The following SIGLEC11 variants were observed in gnomAD, a reference collection of about 807,000 sequenced individuals.
SIGLEC11 encodes sialic acid binding Ig like lectin 11.
In SIGLEC11, 47 loss-of-function variants were observed where a neutral mutation model predicts 61.2. The ratio of observed to expected loss-of-function variants is 0.77; its 90% confidence interval spans 0.61 to 0.98. The LOEUF is 0.98. SIGLEC11 is among the 50% of genes least tolerant of loss of function. The pLI, the probability that SIGLEC11 is intolerant of heterozygous loss-of-function variation, is 0.00. For missense variants in SIGLEC11, 610 were observed against 870.3 expected (o/e 0.70, Z 3.76); for synonymous variants, 278 against 373.1 (o/e 0.75, Z 2.94).
At chr19:49,956,097 G>A (rs1426042939) in intron 8 of SIGLEC11, among the ~76,000 whole-genome samples, 1 of 152,158 alleles carries the variant, frequency 6.6e-6, no homozygotes, top group Non-Finnish European at 1.5e-5. Context: ...TTTGCGGAGG[G>A]ACTAACACGG....
rs1274411408 is a variant in SIGLEC11, at chr19:49,955,453, GA to G, written c.1651+2829del. ...GCCCAAAAAAGTAAGTGTGAAAAAG[GA>G]AAAAAGAAAAATCAGAAAGAAACAG... On this transcript the variant is annotated intron_variant, in intron 8 of 10. Transcript: ENST00000447370. The surrounding 1 kb of genome is among the most constrained non-coding windows in gnomAD (Gnocchi z 4.5). Among the ~76,000 whole-genome samples, 4 of 152,122 alleles carry G rather than the reference GA, an allele frequency of 2.6e-5. No homozygotes were observed. Among genetic ancestry groups the G allele is most frequent in the African/African-American group, 9.6e-5 (4 of 41,454 alleles).
chr19:49,949,471 T>A lies in SIGLEC11; in HGVS notation c.*499A>T, dbSNP rs2076143759. ...TGCCTGGTTTCCTGTGCTTTACACA[T>A]CCAGAGAAGCTTCTGTAGTAATGAA... On this transcript the variant is annotated 3_prime_UTR_variant, in exon 11 of 11. Transcript: ENST00000447370. 6.6e-6 allele frequency: 1 copy of A among 151,986 alleles called. No homozygotes were observed. Among genetic ancestry groups the A allele is most frequent in the South Asian group, 2.1e-4 (1 of 4,820 alleles). 9.4% of individuals were successfully genotyped at this position (151,986 alleles called of 1,614,324 possible). A position where few individuals can be genotyped will look rare whatever the true frequency, so the allele number is the denominator to read the frequency against.
rs944346796 is a variant in SIGLEC11, at chr19:49,955,625, G to A, written c.1651+2658C>T. ...AAAAAAAAAGGCCAATCTGTTGGCA[G>A]CAGCCCTCATAAAAAGAAAAATTAG... On this transcript the variant is annotated intron_variant, in intron 8 of 10. Coordinates refer to ENST00000447370, the MANE Select transcript of SIGLEC11 (RefSeq NM_052884.3). This position sits in a 1 kb window ranked among gnomAD's most constrained non-coding sequence, Gnocchi z 4.5. 1.3e-5 allele frequency among the ~76,000 whole-genome samples: 2 copies of A among 152,156 alleles called. No individual in the cohort carries two copies. Among genetic ancestry groups the A allele is most frequent in the Non-Finnish European group, 2.9e-5 (2 of 68,044 alleles).
intron 8 of SIGLEC11, among the ~76,000 whole-genome samples, chr19:49,954,595 G>T (rs931676327): frequency 6.6e-6 from 1 of 152,118 alleles, no homozygotes; most frequent in Non-Finnish European, 1.5e-5. Context: ...CTGATCTACT[G>T]AACTGGAAAC....
chr19:49,952,421 T>TGCCCTCCTGGCCCTGAG, intron 8 of SIGLEC11, 27 bp from the exon 9 acceptor site: 1 of 1,581,984 alleles, frequency 6.3e-7, no homozygotes, highest in Non-Finnish European at 8.6e-7. Context: ...TTTGGGGTGG[T>TGCCCTCCTGGCCCTGAG]GCCCTCCTGG....
rs2076144600 is a variant in SIGLEC11, at chr19:49,949,602, G to T, written c.*368C>A. ...CACGTCTGTAATCCCAGCACTTTGGGAGGCAGAGGCGGGCAGATTGCTTGA... is the reference window on the plus strand; with the variant it reads ...CACGTCTGTAATCCCAGCACTTTGGTAGGCAGAGGCGGGCAGATTGCTTGA... On this transcript the variant is annotated 3_prime_UTR_variant, in exon 11 of 11. Coordinates refer to ENST00000447370, the MANE Select transcript of SIGLEC11 (RefSeq NM_052884.3). 6.3e-6 allele frequency: 1 copy of T among 159,544 alleles called. No individual in the cohort carries two copies. Among genetic ancestry groups the T allele is most frequent in the Non-Finnish European group, 1.4e-5 (1 of 73,214 alleles). 9.9% of individuals were successfully genotyped at this position (159,544 alleles called of 1,614,324 possible).
At chr19:49,956,103 C>T (rs1035471749) in intron 8 of SIGLEC11, among the ~76,000 whole-genome samples, 1 of 152,158 alleles carries the variant, frequency 6.6e-6, no homozygotes, top group Non-Finnish European at 1.5e-5. Flanking sequence ...GAGGGACTAA[C>T]ACGGAAGACC....
At chr19:49,952,165 T>C in intron 9 of SIGLEC11, 133 bp downstream of exon 9, 1 of 1,081,238 alleles carries the variant, frequency 9.2e-7, no homozygotes, top group Non-Finnish European at 1.3e-6. Flanking sequence ...AGCAGACCCC[T>C]GCTCTGATCC....
chr19:49,958,800 G>A lies in SIGLEC11; in HGVS notation c.1206C>T (p.Ser402=), dbSNP rs1245055106. The change falls in exon 7 of 11, where the codon AGC becomes AGT. Residue 402 remains serine (S), a synonymous_variant. Transcript: ENST00000447370. Reference sequence around the variant, plus strand: ...CCACGGTCTGTCCCCACCGGGTCCAGCTCAGCCTGGCTGGGGGGCTGCTGT... The same window carrying A: ...CCACGGTCTGTCCCCACCGGGTCCAACTCAGCCTGGCTGGGGGGCTGCTGT... ...VTHSSPPARL[S]WTRWGQTVGP... 6.2e-7 allele frequency: 1 copy of A among 1,613,138 alleles called. No homozygotes were observed. Among genetic ancestry groups the A allele is most frequent in the African/African-American group, 1.3e-5 (1 of 74,940 alleles).
chr19:49,959,437 C>A lies in SIGLEC11; in HGVS notation c.980G>T (p.Gly327Val). 1 of 1,595,278 alleles carries A rather than the reference C, an allele frequency of 6.3e-7. No individual in the cohort carries two copies. The highest frequency in any genetic ancestry group is 2.3e-5 in the East Asian group (1 of 44,084). The stretch of plus-strand genomic sequence containing the variant: ...TCGGCAGGTGTAGCGCCCTGAATCC[C>A]CGGCCCTTACCCCACGCAGCTCCAG... Reference protein sequence around the residue: ...LGLELRGVRAGDSGRYTCRAE... With the variant: ...LGLELRGVRAVDSGRYTCRAE... The change falls in exon 5 of 11, where the codon GGG (glycine) becomes GTG (valine). Residue 327 changes from glycine to valine, a missense_variant. Gly to Val is a moderately radical substitution (Grantham distance 109). Transcript: ENST00000447370.
In SIGLEC11 at chr19:49,959,118, G is replaced by A. The variant is rs566870534; in HGVS notation, c.1058-41C>T. 5.5e-4 allele frequency: 885 copies of A among 1,611,186 alleles called. 1 individual carries two copies. Among genetic ancestry groups the A allele is most frequent in the Non-Finnish European group, 6.9e-4 (818 of 1,178,592 alleles). On this transcript the variant is annotated intron_variant, in intron 5 of 10. Coordinates refer to ENST00000447370, the MANE Select transcript of SIGLEC11 (RefSeq NM_052884.3). ...GGGACCGGCTCTAGACAGACCAGGG[G>A]CTTCCCTCTGGGTAAAGGGAACTAT...
Position 49,951,943 on chromosome 19 carries a change from T to C in SIGLEC11, c.1778A>G (p.Lys593Arg), listed in dbSNP as rs2076160836. ...RVKICRKEAR[K>R]RAAAEQDVPS... ...CACGTCCTGCTCAGCTGCTGCCCTC[T>C]TGCGAGCTTCCTTCCTGCAGATCTT... Residue 593 changes from lysine to arginine, a missense_variant, in exon 10 of 11, where the codon AAG (lysine) becomes AGG (arginine). Coordinates refer to ENST00000447370, the MANE Select transcript of SIGLEC11 (RefSeq NM_052884.3). This position sits in a 1 kb window ranked among gnomAD's most constrained non-coding sequence, Gnocchi z 4.6. 1.2e-6 allele frequency: 2 copies of C among 1,611,226 alleles called. No individual in the cohort carries two copies. The highest frequency in any genetic ancestry group is 1.7e-6 in the Non-Finnish European group (2 of 1,179,066).
At chr19:49,950,784 A>G (rs368268336) in intron 10 of SIGLEC11, among the ~76,000 whole-genome samples, 5 of 152,172 alleles carry the variant, frequency 3.3e-5, no homozygotes, top group African/African-American at 1.2e-4. Context: ...CTAATTGCAA[A>G]TTATAAGTGG....
rs140029606 is a variant in SIGLEC11 at position 49,952,580 on chromosome 19, T to C, written c.1652-186A>G. ...GAAAGGGTTAAAAAAAGAACAACTT[T>C]TCCTCTGCTTAGCAAGGCTCACTTC... On this transcript the variant is annotated intron_variant, in intron 8 of 10. Transcript: ENST00000447370. 6.6e-3 allele frequency among the ~76,000 whole-genome samples: 1,007 copies of C among 152,318 alleles called. 11 individuals carry two copies. The highest frequency in any genetic ancestry group is 0.024 in the Middle Eastern group (7 of 294).
chr19:49,959,335 C>T (rs761788292), intron 5 of SIGLEC11, 25 bp downstream of exon 5: 6 of 1,601,984 alleles, frequency 3.7e-6, no homozygotes, highest in African/African-American at 1.5e-5. Context: ...CCAATGGACT[C>T]CAGGCCCCTG....
Position 49,949,962 on chromosome 19 carries a change from A to G in SIGLEC11, c.*8T>C, listed in dbSNP as rs1312013316. 6 of 1,433,678 alleles carry G rather than the reference A, an allele frequency of 4.2e-6. No individual in the cohort carries two copies. In the African/African-American group the frequency reaches 5.7e-5, roughly 14 times the overall value. The allele number at this position is 1,433,678 out of a possible 1,614,324, so 88.8% of individuals were successfully genotyped here. On this transcript the variant is annotated 3_prime_UTR_variant, in exon 11 of 11. Transcript: ENST00000447370. ...ACTTGCTGGTGTCCTGTTGCCATGG[A>G]GACCTCTTCACTTTGGAACCATCCC...
In SIGLEC11 at chr19:49,949,939, T is replaced by A; in HGVS notation, c.*31A>T. ...TCACACCAGTGCGACTCCCACACAC[T>A]TGCTGGTGTCCTGTTGCCATGGAGA... On this transcript the variant is annotated 3_prime_UTR_variant, in exon 11 of 11. Transcript: ENST00000447370. 7.1e-7 allele frequency: 1 copy of A among 1,403,412 alleles called. No homozygotes were observed. The highest frequency in any genetic ancestry group is 9.3e-7 in the Non-Finnish European group (1 of 1,069,528). The allele number at this position is 1,403,412 out of a possible 1,614,324, so 86.9% of individuals were successfully genotyped here. A position where few individuals can be genotyped will look rare whatever the true frequency, so the allele number is the denominator to read the frequency against.
In SIGLEC11 at chr19:49,951,987, A is replaced by G; in HGVS notation, c.1749-15T>C. Reference sequence around the variant, plus strand: ...AGATCTTCACCCTGAGGGAGGAGGCAGTGCCCTTCAGCCTCCAGGCTGGTC... The same window carrying G: ...AGATCTTCACCCTGAGGGAGGAGGCGGTGCCCTTCAGCCTCCAGGCTGGTC... On this transcript the variant is annotated splice_polypyrimidine_tract_variant and intron_variant, in intron 9 of 10. Transcript: ENST00000447370. The surrounding 1 kb of genome is among the most constrained non-coding windows in gnomAD (Gnocchi z 4.6). The G allele has an allele frequency of 6.2e-7, 1 of 1,602,044 alleles. No individual in the cohort carries two copies. Among genetic ancestry groups the G allele is most frequent in the Non-Finnish European group, 8.5e-7 (1 of 1,175,252 alleles).
At position 49,960,741 on chromosome 19, in the gene SIGLEC11, G is replaced by A. The variant is rs1419182335; in HGVS notation, c.271C>T (p.Gln91Ter). Residue 91 changes from glutamine to a stop codon, truncating the protein, a stop_gained, in exon 2 of 11, where the codon CAG becomes TAG. Coordinates refer to ENST00000447370, the MANE Select transcript of SIGLEC11 (RefSeq NM_052884.3). LOFTEE classifies it high-confidence loss of function. ...KTGAPVATNNQSREVEMSTRD... is the reference protein window; with the variant it reads ...KTGAPVATNN ...GTGCTCATTTCCACCTCTCGACTCT[G>A]GTTGTTAGTGGCCACAGGAGCACCC... The A allele has an allele frequency of 1.2e-6, 2 of 1,613,300 alleles. No individual in the cohort carries two copies. The highest frequency in any genetic ancestry group is 1.7e-6 in the Non-Finnish European group (2 of 1,179,988).
Sources: allele counts gnomAD v4.1 joint callset (sites outside exome capture counted in the v4.1 genomes callset), GRCh38; gene constraint gnomAD v4.1.1; non-coding constraint Gnocchi (gnomAD v3.1); transcripts MANE v1.5; gene names NCBI Gene and HGNC (gene_info 2026-07-23, HGNC 2026-07-21).